Variants in GABRB1 observed in about 807,000 individuals in gnomAD.
GABRB1 encodes gamma-aminobutyric acid type A receptor subunit beta1.
In GABRB1, 17 loss-of-function variants were observed where a neutral mutation model predicts 51.6. The ratio of observed to expected loss-of-function variants is 0.33; its 90% confidence interval spans 0.23 to 0.49. The LOEUF is 0.49. Ranked by LOEUF, GABRB1 falls within the 20% of genes least tolerant of loss-of-function variation. GABRB1 has a pLI of 0.99. For synonymous variants in GABRB1, 247 were observed against 218.9 expected (o/e 1.13, Z -1.14); for missense variants, 410 against 600.6 (o/e 0.68, Z 3.32).
chr4:47,277,655 A>T (rs998366711), intron 4 of GABRB1, among the ~76,000 whole-genome samples: 8 of 151,968 alleles, frequency 5.3e-5, no homozygotes, highest in Non-Finnish European at 7.4e-5. Flanking sequence ...CACAAAAAAA[A>T]TTTTTTAATA....
At chr4:47,202,642 G>A (rs1242587031) in intron 4 of GABRB1, among the ~76,000 whole-genome samples, 2 of 152,132 alleles carry the variant, frequency 1.3e-5, no homozygotes, top group East Asian at 3.9e-4. Context: ...AAAGAAACAA[G>A]AACAGAGTTG....
intron 4 of GABRB1, among the ~76,000 whole-genome samples, chr4:47,262,564 G>A (rs1456500374): frequency 2.0e-5 from 3 of 152,120 alleles, no homozygotes; most frequent in Non-Finnish European, 4.4e-5. Flanking sequence ...GAGAGGATGT[G>A]GAGAAATAGG....
intron 4 of GABRB1, among the ~76,000 whole-genome samples, chr4:47,266,012 T>C (rs1296835513): frequency 6.6e-6 from 1 of 152,206 alleles, no homozygotes; most frequent in Non-Finnish European, 1.5e-5. Context: ...ATGAATTCTT[T>C]ACTTAGGCCA....
chr4:47,246,872 A>AT (rs907417280), intron 4 of GABRB1, among the ~76,000 whole-genome samples: 8 of 149,708 alleles, frequency 5.3e-5, no homozygotes, highest in South Asian at 2.1e-4. Context: ...TTTTGATGGG[A>AT]TTTTTTTTTC....
At chr4:47,263,930 T>G (rs1175798909) in intron 4 of GABRB1, among the ~76,000 whole-genome samples, 1 of 151,916 alleles carries the variant, frequency 6.6e-6, no homozygotes, top group African/African-American at 2.4e-5. Flanking sequence ...GTGGATTATT[T>G]GAGCCCAGGA....
intron 2 of GABRB1, 109 bp from the exon 3 acceptor site, chr4:47,032,308 A>G: frequency 2.0e-6 from 2 of 1,017,706 alleles, no homozygotes; most frequent in Admixed American, 2.3e-5. Flanking sequence ...TGGGGGGAGC[A>G]GGGAGGGAGC....
chr4:47,194,296 A>G (rs746830673), intron 4 of GABRB1, among the ~76,000 whole-genome samples: 2 of 152,198 alleles, frequency 1.3e-5, no homozygotes, highest in Non-Finnish European at 2.9e-5. Flanking sequence ...TGAGCTTAAG[A>G]ACTACACAAT....
chr4:47,160,534 T>C (rs1271326074), intron 3 of GABRB1, among the ~76,000 whole-genome samples: 1 of 152,128 alleles, frequency 6.6e-6, no homozygotes, highest in African/African-American at 2.4e-5. Flanking sequence ...CATTCAGTTT[T>C]AGTTATTATT....
chr4:47,368,245 A>G (rs1054228034), intron 5 of GABRB1, among the ~76,000 whole-genome samples: 3 of 152,214 alleles, frequency 2.0e-5, no homozygotes, highest in African/African-American at 7.2e-5. Context: ...AAGGGTGTCA[A>G]GAACTACCAT....
chr4:47,269,098 G>A (rs537924496), intron 4 of GABRB1, among the ~76,000 whole-genome samples: 1 of 152,244 alleles, frequency 6.6e-6, no homozygotes, highest in South Asian at 2.1e-4. Flanking sequence ...TTTAAGCACT[G>A]TTTGAGATTT....
At chr4:47,170,403 GCACACA>G (rs747687264) in intron 4 of GABRB1, among the ~76,000 whole-genome samples, 46 of 136,848 alleles carry the variant, frequency 3.4e-4, no homozygotes, top group African/African-American at 1.2e-3. Context: ...ACACACACAC[GCACACA>G]CACACACACG....
intron 4 of GABRB1, among the ~76,000 whole-genome samples, chr4:47,194,081 T>G (rs1719549990): frequency 6.6e-6 from 1 of 152,226 alleles, no homozygotes; most frequent in Non-Finnish European, 1.5e-5. Context: ...GTAAAATGGT[T>G]TATGTTTTGA....
At chr4:47,242,090 T>A (rs1224200483) in intron 4 of GABRB1, among the ~76,000 whole-genome samples, 7 of 150,160 alleles carry the variant, frequency 4.7e-5, no homozygotes, top group Non-Finnish European at 3.0e-5. Context: ...CCTGTGTCCA[T>A]GTGTTCTCAT....
At chr4:47,197,951 T>C (rs779586307) in intron 4 of GABRB1, among the ~76,000 whole-genome samples, 4 of 152,198 alleles carry the variant, frequency 2.6e-5, no homozygotes, top group Non-Finnish European at 5.9e-5. Flanking sequence ...CTATAAATAC[T>C]TCTTAATTAC....
chr4:47,378,348 G>A (rs7671575), intron 5 of GABRB1, among the ~76,000 whole-genome samples: 31,805 of 152,180 alleles, frequency 0.21, 4,489 homozygotes, highest in East Asian at 0.71. Context: ...GCCGCTCCAA[G>A]TGCGGGGCTT....
In GABRB1 at chr4:47,031,634, T is replaced by G. The variant is rs768878635; in HGVS notation, c.-18T>G. 6 of 1,599,466 alleles carry G rather than the reference T, an allele frequency of 3.8e-6. No individual in the cohort carries two copies. Among genetic ancestry groups the G allele is most frequent in the Non-Finnish European group, 5.1e-6 (6 of 1,167,028 alleles). Reference sequence around the variant, plus strand: ...TGAATCTTCGCAGAAAAGACAATTCTTTTAATCAGAGTTAGTAATGTGGAC... The same window carrying G: ...TGAATCTTCGCAGAAAAGACAATTCGTTTAATCAGAGTTAGTAATGTGGAC... On this transcript the variant is annotated 5_prime_UTR_variant, in exon 1 of 9. Transcript: ENST00000295454.
chr4:47,241,467 A>T (rs540430249), intron 4 of GABRB1, among the ~76,000 whole-genome samples: 19 of 152,320 alleles, frequency 1.2e-4, no homozygotes, highest in African/African-American at 4.1e-4. Context: ...CTGGCACACC[A>T]TAGACATGTT....
At position 47,387,611 on chromosome 4, in the gene GABRB1, T is replaced by C. The variant is rs181237722; in HGVS notation, c.545-15707T>C. Among the ~76,000 whole-genome samples the C allele has an allele frequency of 3.3e-5, 5 of 152,306 alleles. No homozygotes were observed. The East Asian group carries it at 9.6e-4, about 29-fold the overall frequency. Reference sequence around the variant, plus strand: ...AAAGAAAGTAAAAACCATTTGATTGTGGAAAAAGCGAATTTGAACTTGTGC... The same window carrying C: ...AAAGAAAGTAAAAACCATTTGATTGCGGAAAAAGCGAATTTGAACTTGTGC... On this transcript the variant is annotated intron_variant, in intron 5 of 8. Coordinates refer to ENST00000295454, the MANE Select transcript of GABRB1 (RefSeq NM_000812.4).
At chr4:47,222,433 G>A (rs1357199944) in intron 4 of GABRB1, among the ~76,000 whole-genome samples, 1 of 152,028 alleles carries the variant, frequency 6.6e-6, no homozygotes, top group Non-Finnish European at 1.5e-5. Flanking sequence ...ACTTGCTTTG[G>A]TCAATAAGCC....
Sources: gnomAD v4.1 joint callset for allele counts (sites outside exome capture counted in the v4.1 genomes callset) on GRCh38, gnomAD v4.1.1 for gene constraint, MANE v1.5 for transcripts, NCBI Gene and HGNC (gene_info 2026-07-23, HGNC 2026-07-21) for gene names.